The following USP47 variants were observed in gnomAD, a reference collection of about 807,000 sequenced individuals.
USP47 encodes ubiquitin specific peptidase 47, also known as ubiquitin carboxyl-terminal hydrolase 47.
A neutral mutation model predicts 165.1 loss-of-function variants in USP47; 35 were observed. The ratio of observed to expected loss-of-function variants is 0.21; its 90% CI spans 0.16 to 0.28. The LOEUF is 0.28. Among genes scored for constraint, USP47 ranks in the 10% least tolerant of loss-of-function variants. The pLI, the probability that USP47 is intolerant of heterozygous loss-of-function variation, is 1.00. For missense variants in USP47, 1,277 were observed against 1,607.4 expected (o/e 0.79, Z 3.52); for synonymous variants, 531 against 544.5 (o/e 0.98, Z 0.35).
Position 11,958,556 on chromosome 11 carries a change from TCTTTTGAGG to T in USP47, c.*2384_*2392del, listed in dbSNP as rs1847313686. On this transcript the variant is annotated 3_prime_UTR_variant, in exon 28 of 28. Coordinates refer to ENST00000527733, the MANE Select transcript of USP47 (RefSeq NM_001282659.2). ...GGCGGTGGAGCCTCATGATCTCTTA[TCTTTTGAGG>T]CTGAGGCAGGTCACATGCAACAAAT... 3 of 152,304 alleles carry T rather than the reference TCTTTTGAGG, an allele frequency of 2.0e-5. No individual in the cohort carries two copies. The South Asian group carries it at 6.2e-4, about 32-fold the overall frequency. 9.4% of individuals were successfully genotyped at this position (152,304 alleles called of 1,614,324 possible).
At chr11:11,906,503 C>T (rs1188819396) in intron 8 of USP47, among the ~76,000 whole-genome samples, 1 of 152,048 alleles carries the variant, frequency 6.6e-6, no homozygotes, top group East Asian at 1.9e-4. Context: ...TTGATTTTTT[C>T]TCCTACCTTT....
intron 3 of USP47, among the ~76,000 whole-genome samples, chr11:11,891,339 C>G (rs956673321): frequency 6.6e-6 from 1 of 152,112 alleles, no homozygotes; most frequent in Non-Finnish European, 1.5e-5. Context: ...CAATGCCTGT[C>G]TGGATACTAG....
At chr11:11,922,444 G>GT (rs1564881036) in intron 10 of USP47, among the ~76,000 whole-genome samples, 1 of 151,874 alleles carries the variant, frequency 6.6e-6, no homozygotes, top group Non-Finnish European at 1.5e-5. Flanking sequence ...CCATTATGTT[G>GT]TAACAGTAAA....
At chr11:11,925,046 A>G (rs967453212) in intron 11 of USP47, among the ~76,000 whole-genome samples, 15 of 150,894 alleles carry the variant, frequency 9.9e-5, no homozygotes, top group Admixed American at 6.6e-5. Context: ...TCATGAACAG[A>G]GGATGTCTTT....
chr11:11,922,712 T>G lies in USP47; in HGVS notation c.1219-12T>G, dbSNP rs1302988597. On this transcript the variant is annotated splice_polypyrimidine_tract_variant and intron_variant, in intron 10 of 27. Coordinates refer to ENST00000527733, the MANE Select transcript of USP47 (RefSeq NM_001282659.2). ...ATATGGTTTATAACTAAGATAATTATGTCTTATTAAGAAATCTCCTCAGAC... is the reference window on the plus strand; with the variant it reads ...ATATGGTTTATAACTAAGATAATTAGGTCTTATTAAGAAATCTCCTCAGAC... 1 of 1,603,716 alleles carries G rather than the reference T, an allele frequency of 6.2e-7. No homozygotes were observed. Among genetic ancestry groups the G allele is most frequent in the South Asian group, 1.1e-5 (1 of 89,804 alleles).
intron 11 of USP47, among the ~76,000 whole-genome samples, 169 bp downstream of exon 11, chr11:11,923,060 A>G (rs767706070): frequency 0.057 from 5,950 of 105,028 alleles, 243 homozygotes; most frequent in Admixed American, 0.07. Context: ...ATATATATAT[A>G]TATATATATA....
chr11:11,855,701 C>T (rs1476745885), intron 1 of USP47, among the ~76,000 whole-genome samples: 2 of 152,104 alleles, frequency 1.3e-5, no homozygotes, highest in African/African-American at 4.8e-5. Context: ...ACTACAAATA[C>T]CTTTCTTGTT....
intron 1 of USP47, among the ~76,000 whole-genome samples, chr11:11,864,671 A>G (rs1208370568): frequency 1.3e-5 from 2 of 151,680 alleles, no homozygotes; most frequent in Admixed American, 1.3e-4. Context: ...AGGTTTTTTC[A>G]TATTGTGGAA....
intron 14 of USP47, among the ~76,000 whole-genome samples, chr11:11,931,222 C>G (rs1208354351): frequency 1.3e-5 from 2 of 151,608 alleles, no homozygotes; most frequent in Non-Finnish European, 2.9e-5. Flanking sequence ...AGTATATTTC[C>G]TTTGTTTAGA....
At chr11:11,886,722 CAAA>C (rs1851187310) in intron 3 of USP47, among the ~76,000 whole-genome samples, 1 of 152,088 alleles carries the variant, frequency 6.6e-6, no homozygotes, top group Middle Eastern at 3.2e-3. Flanking sequence ...GGCCAACATT[CAAA>C]TTCAGGAAAT....
chr11:11,937,127 C>T (rs1855127964), intron 17 of USP47, among the ~76,000 whole-genome samples: 1 of 151,702 alleles, frequency 6.6e-6, no homozygotes, highest in Admixed American at 6.6e-5. Flanking sequence ...ATATCATGCC[C>T]CTAGTTTTCC....
chr11:11,889,171 A>G (rs149983661), intron 3 of USP47, among the ~76,000 whole-genome samples: 97 of 152,268 alleles, frequency 6.4e-4, no homozygotes, highest in Middle Eastern at 3.4e-3. Flanking sequence ...TACTACTCCT[A>G]TTTGACATAG....
chr11:11,869,019 A>G (rs1172210280), intron 1 of USP47, among the ~76,000 whole-genome samples: 1 of 152,080 alleles, frequency 6.6e-6, no homozygotes, highest in Non-Finnish European at 1.5e-5. Flanking sequence ...TATTCTAGAT[A>G]CTAATCCTTT....
intron 15 of USP47, among the ~76,000 whole-genome samples, 171 bp from the exon 16 acceptor site, chr11:11,933,660 G>A (rs1014899586): frequency 1.3e-5 from 2 of 152,080 alleles, no homozygotes; most frequent in African/African-American, 4.8e-5. Context: ...TTTGTATGGT[G>A]TGAGACATAA....
intron 1 of USP47, among the ~76,000 whole-genome samples, chr11:11,847,554 G>T (rs1267515545): frequency 1.3e-5 from 2 of 152,076 alleles, no homozygotes; most frequent in African/African-American, 4.8e-5. Flanking sequence ...TCCTGTTTCA[G>T]TTAGTGTTAT....
chr11:11,884,814 T>A, intron 3 of USP47: 1 of 363,882 alleles, frequency 2.7e-6, no homozygotes. Context: ...TAACATATAC[T>A]GCTGTCTTCA....
At chr11:11,884,411 C>A in intron 2 of USP47, 56 bp from the exon 3 acceptor site, 1 of 1,265,644 alleles carries the variant, frequency 7.9e-7, no homozygotes, top group Non-Finnish European at 1.1e-6. Context: ...TATCTATTTA[C>A]AGATTACTTA....
intron 8 of USP47, among the ~76,000 whole-genome samples, chr11:11,912,906 A>G (rs1204162525): frequency 6.6e-6 from 1 of 152,132 alleles, no homozygotes; most frequent in Non-Finnish European, 1.5e-5. Context: ...AAAAAAGAAA[A>G]TTCATATGAT....
chr11:11,933,556 C>T (rs1854830536), intron 15 of USP47, among the ~76,000 whole-genome samples: 1 of 151,848 alleles, frequency 6.6e-6, no homozygotes. Flanking sequence ...AAATTGGAAA[C>T]AACACAAATG....
Sources: gnomAD v4.1 joint callset for allele counts (sites outside exome capture counted in the v4.1 genomes callset) on GRCh38, gnomAD v4.1.1 for gene constraint, MANE v1.5 for transcripts, NCBI Gene and HGNC (gene_info 2026-07-23, HGNC 2026-07-21) for gene names.